KAZN: variants seen among roughly 807,000 people sequenced by gnomAD.
KAZN encodes the protein kazrin, periplakin interacting protein, also known as kazrin.
In KAZN, 40 loss-of-function variants were observed where a neutral mutation model predicts 87.4. That is an observed-to-expected ratio of 0.46 (90% CI 0.36 to 0.60). The LOEUF is 0.60. Among genes scored for constraint, KAZN ranks in the 20% least tolerant of loss-of-function variants. The pLI, the probability that KAZN is intolerant of heterozygous loss-of-function variation, is 0.00. For synonymous variants in KAZN, 466 were observed against 458.3 expected (o/e 1.02, Z -0.22); for missense variants, 898 against 1,073.9 (o/e 0.84, Z 2.29).
At chr1:14,050,520 T>G (rs1414154269) in intron 1 of KAZN, among the ~76,000 whole-genome samples, 1 of 152,150 alleles carries the variant, frequency 6.6e-6, no homozygotes, top group East Asian at 1.9e-4. Context: ...TATGTGACAG[T>G]GCAGGAAATA....
chr1:14,048,316 G>A (rs1553120890), intron 1 of KAZN, among the ~76,000 whole-genome samples: 1 of 151,770 alleles, frequency 6.6e-6, no homozygotes, highest in Non-Finnish European at 1.5e-5. Context: ...CCTAATTCAG[G>A]CCTCCATACT....
At chr1:14,543,339 C>T (rs1266032668) in intron 2 of KAZN, among the ~76,000 whole-genome samples, 1 of 152,174 alleles carries the variant, frequency 6.6e-6, no homozygotes, top group Non-Finnish European at 1.5e-5. Flanking sequence ...CAGTCCCTTG[C>T]AGAACAATGC....
At chr1:14,151,615 T>C (rs1371342976) in intron 1 of KAZN, among the ~76,000 whole-genome samples, 3 of 152,218 alleles carry the variant, frequency 2.0e-5, no homozygotes, top group Non-Finnish European at 4.4e-5. Context: ...TCATGGAATT[T>C]CTAGTCTAGT....
chr1:14,457,702 T>C (rs1320351107), intron 2 of KAZN, among the ~76,000 whole-genome samples: 2 of 152,228 alleles, frequency 1.3e-5, no homozygotes, highest in Non-Finnish European at 2.9e-5. Context: ...GTTATCACTA[T>C]AAGATTAGTT....
At chr1:13,973,202 A>C (rs143127731) in intron 1 of KAZN, among the ~76,000 whole-genome samples, 1 of 152,266 alleles carries the variant, frequency 6.6e-6, no homozygotes, top group African/African-American at 2.4e-5. Context: ...CTCCCTTGAC[A>C]TGTATCATCT....
chr1:14,072,432 G>T (rs935930357), intron 1 of KAZN, among the ~76,000 whole-genome samples: 1 of 152,046 alleles, frequency 6.6e-6, no homozygotes, highest in African/African-American at 2.4e-5. Flanking sequence ...ACTCCATGTT[G>T]GCTGGGGATT....
chr1:14,979,113 A>G lies in KAZN; in HGVS notation c.418+18238A>G, dbSNP rs1452780361. ...ACAGACAGCGTTCACCATGTCGGCC[A>G]GGCTGGTCTCGAACTCCTAATCTCA... On this transcript the variant is annotated intron_variant, in intron 2 of 14. Coordinates refer to ENST00000376030, the MANE Select transcript of KAZN (RefSeq NM_201628.3). 5.3e-5 allele frequency among the ~76,000 whole-genome samples: 8 copies of G among 151,830 alleles called. 1 individual carries two copies. Among genetic ancestry groups the G allele is most frequent in the Admixed American group, 3.3e-4 (5 of 15,260 alleles).
chr1:14,505,862 T>C (rs990053134), intron 2 of KAZN, among the ~76,000 whole-genome samples: 4 of 152,052 alleles, frequency 2.6e-5, no homozygotes, highest in Non-Finnish European at 4.4e-5. Flanking sequence ...TAGTCCCAGC[T>C]ACTCGGGAGG....
rs891780407 is a variant in KAZN, at chr1:14,842,900, T to A, written c.227-117784T>A. 3.2e-4 allele frequency among the ~76,000 whole-genome samples: 49 copies of A among 152,350 alleles called. 1 individual carries two copies. The highest frequency in any genetic ancestry group is 1.2e-3 in the African/African-American group (48 of 41,580). ...TGGAGTCAAGGACTTCCCACAGTTTTAACTGGGGTTTTTGTTGCTCCTTGT... is the reference window on the plus strand; with the variant it reads ...TGGAGTCAAGGACTTCCCACAGTTTAAACTGGGGTTTTTGTTGCTCCTTGT... On this transcript the variant is annotated intron_variant, in intron 1 of 14. Coordinates refer to ENST00000376030, the MANE Select transcript of KAZN (RefSeq NM_201628.3).
chr1:15,111,835 T>C (rs971901383), intron 13 of KAZN: 2 of 154,118 alleles, frequency 1.3e-5, no homozygotes, highest in Admixed American at 6.4e-5. Flanking sequence ...TAAAACTTTA[T>C]TTATAAAATC....
At chr1:14,876,710 A>T (rs1044626255) in intron 1 of KAZN, among the ~76,000 whole-genome samples, 10 of 152,212 alleles carry the variant, frequency 6.6e-5, no homozygotes, top group African/African-American at 2.4e-4. Flanking sequence ...TATGCTTTTG[A>T]GGATCCATGA....
intron 1 of KAZN, among the ~76,000 whole-genome samples, chr1:13,907,468 C>T (rs746864093): frequency 3.4e-5 from 5 of 146,692 alleles, no homozygotes; most frequent in Non-Finnish European, 6.0e-5. Context: ...GGATTTAAGG[C>T]AAGGCCTTTG....
intron 1 of KAZN, among the ~76,000 whole-genome samples, chr1:14,911,782 G>T (rs1338529768): frequency 6.6e-6 from 1 of 152,290 alleles, no homozygotes; most frequent in East Asian, 1.9e-4. Context: ...TGCTGGAGAT[G>T]ATAGGAGTAG....
At chr1:14,595,415 C>T (rs61771949), upstream of KAZN, among the ~76,000 whole-genome samples, 7,853 of 152,028 alleles carry the variant, frequency 0.052, 273 homozygotes, top group Non-Finnish European at 0.077. Flanking sequence ...CTGTGGCTCA[C>T]GCCTGCAATC....
chr1:14,323,491 A>G (rs1002932256), intron 2 of KAZN, among the ~76,000 whole-genome samples: 14 of 152,158 alleles, frequency 9.2e-5, no homozygotes, highest in Non-Finnish European at 1.8e-4. Context: ...TCTCTGGGTG[A>G]TGTGGGATAG....
chr1:14,510,384 A>AG (rs958202828), intron 2 of KAZN, among the ~76,000 whole-genome samples: 5 of 151,538 alleles, frequency 3.3e-5, no homozygotes, highest in Admixed American at 3.3e-4. Context: ...ATCTCAAAAA[A>AG]AAAAAACAAA....
At chr1:14,957,939 T>C (rs1663346614) in intron 1 of KAZN, among the ~76,000 whole-genome samples, 1 of 152,172 alleles carries the variant, frequency 6.6e-6, no homozygotes. Context: ...GGAGGTGCCC[T>C]GGGAGGCCTC....
At chr1:14,553,654 A>G (rs1673684217) in intron 2 of KAZN, among the ~76,000 whole-genome samples, 1 of 152,166 alleles carries the variant, frequency 6.6e-6, no homozygotes, top group Non-Finnish European at 1.5e-5. Flanking sequence ...TGGGCTGTCA[A>G]TTATCTGAAA....
chr1:14,501,826 C>A (rs1670271658), intron 2 of KAZN, among the ~76,000 whole-genome samples: 1 of 152,200 alleles, frequency 6.6e-6, no homozygotes, highest in Non-Finnish European at 1.5e-5. Flanking sequence ...ATCTGTGCTA[C>A]AACATGGGTG....
Sources: allele counts gnomAD v4.1 joint callset (sites outside exome capture counted in the v4.1 genomes callset), GRCh38; gene constraint gnomAD v4.1.1; transcripts MANE v1.5; gene names NCBI Gene and HGNC (gene_info 2026-07-23, HGNC 2026-07-21).